Variants in ANKRD31 observed in about 807,000 individuals in gnomAD.
ANKRD31 encodes ankyrin repeat domain 31.
Under a neutral mutation model 186.0 loss-of-function variants are expected in ANKRD31, and 147 were observed. That is an observed-to-expected ratio of 0.79 (90% CI 0.69 to 0.91). ANKRD31 has a LOEUF of 0.91. Among genes scored for constraint, ANKRD31 ranks in the 40% least tolerant of loss-of-function variants. The pLI is 0.00. For missense variants in ANKRD31, 1,986 were observed against 2,148.8 expected (o/e 0.92, Z 1.50); for synonymous variants, 673 against 736.4 (o/e 0.91, Z 1.39).
chr5:75,185,629 C>T (rs905460445), intron 10 of ANKRD31, among the ~76,000 whole-genome samples: 7 of 151,722 alleles, frequency 4.6e-5, no homozygotes, highest in African/African-American at 1.5e-4. Context: ...CTAGAGTCAG[C>T]AAAGAGGTAT....
At chr5:75,208,886 G>A (rs900069860) in intron 4 of ANKRD31, among the ~76,000 whole-genome samples, 1 of 152,146 alleles carries the variant, frequency 6.6e-6, no homozygotes, top group Non-Finnish European at 1.5e-5. Context: ...ACCTCACTGG[G>A]TTATTGGGTA....
intron 19 of ANKRD31, among the ~76,000 whole-genome samples, chr5:75,113,916 G>A (rs1747985334): frequency 6.6e-6 from 1 of 152,140 alleles, no homozygotes. Flanking sequence ...CCACAGATTA[G>A]GATAAAGAAA....
intron 5 of ANKRD31, among the ~76,000 whole-genome samples, chr5:75,203,920 T>C (rs1755987251): frequency 6.6e-6 from 1 of 152,164 alleles, no homozygotes; most frequent in Admixed American, 6.5e-5. Context: ...GATCACGTTT[T>C]GCATAGTCTG....
chr5:75,141,552 T>TA (rs1751047102), intron 15 of ANKRD31, among the ~76,000 whole-genome samples: 2 of 151,934 alleles, frequency 1.3e-5, no homozygotes, highest in East Asian at 1.9e-4. Flanking sequence ...TGACATTTCT[T>TA]AAAAAAATTT....
At chr5:75,194,505 G>T (rs1755325100) in intron 7 of ANKRD31, among the ~76,000 whole-genome samples, 1 of 151,994 alleles carries the variant, frequency 6.6e-6, no homozygotes, top group African/African-American at 2.4e-5. Flanking sequence ...ATTGTCCCAG[G>T]TATGTATGCT....
chr5:75,127,995 G>C (rs556871721), intron 17 of ANKRD31, among the ~76,000 whole-genome samples: 1 of 152,254 alleles, frequency 6.6e-6, no homozygotes, highest in African/African-American at 2.4e-5. Context: ...ATTAATTCTA[G>C]TAAATTATTT....
intron 17 of ANKRD31, among the ~76,000 whole-genome samples, chr5:75,133,970 G>A (rs79356785): frequency 7.2e-5 from 11 of 152,020 alleles, no homozygotes; most frequent in African/African-American, 2.7e-4. Context: ...AAACCAACGA[G>A]AACAGACACA....
At chr5:75,120,108 T>C (rs1457841103) in intron 17 of ANKRD31, among the ~76,000 whole-genome samples, 1 of 152,122 alleles carries the variant, frequency 6.6e-6, no homozygotes, top group Non-Finnish European at 1.5e-5. Flanking sequence ...GATTATGGTA[T>C]AAGTCAGCCA....
intron 3 of ANKRD31, among the ~76,000 whole-genome samples, chr5:75,218,766 G>T (rs1242207410): frequency 6.6e-6 from 1 of 152,104 alleles, no homozygotes; most frequent in Non-Finnish European, 1.5e-5. Flanking sequence ...GATCAAGCAG[G>T]CCTTATCTCT....
chr5:75,231,950 A>ACAC (rs1757981073), intron 1 of ANKRD31, among the ~76,000 whole-genome samples: 1 of 115,980 alleles, frequency 8.6e-6, no homozygotes, highest in Non-Finnish European at 2.1e-5. Context: ...CACACACACA[A>ACAC]CTTTCTAATA....
chr5:75,233,637 C>T (rs972742623), intron 1 of ANKRD31, among the ~76,000 whole-genome samples: 6 of 151,780 alleles, frequency 4.0e-5, no homozygotes, highest in Admixed American at 2.0e-4. Flanking sequence ...CAATAAGGGC[C>T]GGGCACAGTG....
intron 2 of ANKRD31, among the ~76,000 whole-genome samples, chr5:75,225,836 T>TG (rs1235152744): frequency 6.6e-6 from 1 of 152,138 alleles, no homozygotes; most frequent in African/African-American, 2.4e-5. Context: ...TCAGCCACAA[T>TG]GGGTAGAGCA....
chr5:75,206,487 C>A lies in ANKRD31; in HGVS notation c.327G>T (p.Gln109His). The A allele has an allele frequency of 7.1e-7, 1 of 1,410,038 alleles. No homozygotes were observed. Among genetic ancestry groups the A allele is most frequent in the South Asian group, 1.6e-5 (1 of 62,220 alleles). The allele number at this position is 1,410,038 out of a possible 1,614,324, so 87.3% of individuals were successfully genotyped here. The part of the protein sequence containing the change: ...DETERNQALL[Q>H]TRKNCSMFIG... Reference sequence around the variant, plus strand: ...TGAACATTGAACAGTTTTTTCTAGTCCTAAAAAATCAATTAATAAAAATAA... The same window carrying A: ...TGAACATTGAACAGTTTTTTCTAGTACTAAAAAATCAATTAATAAAAATAA... Residue 109 changes from glutamine to histidine, a missense_variant and splice_region_variant, in exon 5 of 26, where the codon CAG (glutamine) becomes CAT (histidine). Transcript: ENST00000506364.
At chr5:75,071,610 C>T (rs1159802690) in intron 25 of ANKRD31, among the ~76,000 whole-genome samples, 1 of 151,754 alleles carries the variant, frequency 6.6e-6, no homozygotes, top group East Asian at 1.9e-4. Context: ...ATGCTCTTGC[C>T]TCAGCCTTCT....
At chr5:75,141,182 T>C (rs562455997) in intron 15 of ANKRD31, among the ~76,000 whole-genome samples, 2 of 152,258 alleles carry the variant, frequency 1.3e-5, no homozygotes, top group South Asian at 2.1e-4. Flanking sequence ...ATAAAAAGAT[T>C]AGAGAACCAT....
At position 75,146,166 on chromosome 5, in the gene ANKRD31, G is replaced by A; in HGVS notation, c.3245C>T (p.Ser1082Phe). 1 of 1,535,816 alleles carries A rather than the reference G, an allele frequency of 6.5e-7. No individual in the cohort carries two copies. The highest frequency in any genetic ancestry group is 1.2e-5 in the South Asian group (1 of 83,932). ...QKIIYSNEPL[S>F]IVAHSQVIET... ...TATTACTTGAGAATGAGCAACTATGGATAAAGGCTCATTTGAATAAATTAT... is the reference window on the plus strand; with the variant it reads ...TATTACTTGAGAATGAGCAACTATGAATAAAGGCTCATTTGAATAAATTAT... Residue 1082 changes from serine to phenylalanine, a missense_variant, in exon 14 of 26, where the codon TCC becomes TTC. By Grantham distance (155) the Ser-to-Phe change is radical (BLOSUM62 -2). Transcript: ENST00000506364.
At chr5:75,127,426 G>T (rs981371722) in intron 17 of ANKRD31, among the ~76,000 whole-genome samples, 1 of 152,044 alleles carries the variant, frequency 6.6e-6, no homozygotes, top group Non-Finnish European at 1.5e-5. Flanking sequence ...TAAAAGTACA[G>T]GACAGCACTC....
In ANKRD31 at chr5:75,102,940, G is replaced by A. The variant is rs535141264; in HGVS notation, c.5331+1288C>T. On this transcript the variant is annotated intron_variant, in intron 22 of 25. Coordinates refer to ENST00000506364, the MANE Select transcript of ANKRD31 (RefSeq NM_001372053.1). Reference sequence around the variant, plus strand: ...ACTCTGTGGGCTGCACGCACTGTCCGATAAGCCCCAGTGAGATGAACCCTG... The same window carrying A: ...ACTCTGTGGGCTGCACGCACTGTCCAATAAGCCCCAGTGAGATGAACCCTG... Among the ~76,000 whole-genome samples the A allele has an allele frequency of 2.5e-3, 386 of 152,170 alleles. 3 individuals are homozygous for A. Among genetic ancestry groups the A allele is most frequent in the Non-Finnish European group, 3.9e-3 (266 of 67,972 alleles).
At chr5:75,155,161 C>T (rs1381129083) in intron 11 of ANKRD31, among the ~76,000 whole-genome samples, 3 of 152,010 alleles carry the variant, frequency 2.0e-5, no homozygotes, top group African/African-American at 7.2e-5. Flanking sequence ...AAATACAATG[C>T]AAAATAAGTT....
Sources: allele counts gnomAD v4.1 joint callset (sites outside exome capture counted in the v4.1 genomes callset), GRCh38; gene constraint gnomAD v4.1.1; transcripts MANE v1.5; gene names NCBI Gene and HGNC (gene_info 2026-07-23, HGNC 2026-07-21).